CSMD1: variants seen among roughly 807,000 people sequenced by gnomAD.
The protein encoded by CSMD1 is CUB and Sushi multiple domains 1, also known as CUB and sushi domain-containing protein 1.
A neutral mutation model predicts 417.5 loss-of-function variants in CSMD1; 213 were observed. That is an observed-to-expected ratio of 0.51 (90% CI 0.46 to 0.57). CSMD1 has a LOEUF of 0.57. Among genes scored for constraint, CSMD1 ranks in the 20% least tolerant of loss-of-function variants. The pLI, the probability that CSMD1 is intolerant of heterozygous loss-of-function variation, is 0.00. For synonymous variants in CSMD1, 2,862 were observed against 1,736.8 expected (o/e 1.65, Z -16.11); for missense variants, 6,923 against 4,529.7 (o/e 1.53, Z -15.17).
At chr8:4,785,328 G>T (rs78894479) in intron 1 of CSMD1, among the ~76,000 whole-genome samples, 1 of 152,170 alleles carries the variant, frequency 6.6e-6, no homozygotes. Context: ...ATTGGTGGAA[G>T]ACTTTGCTCT....
intron 46 of CSMD1, among the ~76,000 whole-genome samples, chr8:3,102,001 C>G (rs182080687): frequency 9.9e-5 from 15 of 152,050 alleles, no homozygotes; most frequent in Admixed American, 5.2e-4. Context: ...AGCGTTTCAC[C>G]ATGTTGGCCA....
At chr8:3,315,259 G>C (rs571738701) in intron 23 of CSMD1, among the ~76,000 whole-genome samples, 2 of 152,266 alleles carry the variant, frequency 1.3e-5, no homozygotes, top group African/African-American at 4.8e-5. Context: ...GGATTCATCT[G>C]AATAGGAAGG....
intron 3 of CSMD1, among the ~76,000 whole-genome samples, chr8:4,208,816 AGTT>A (rs1800131357): frequency 6.6e-6 from 1 of 152,228 alleles, no homozygotes; most frequent in Non-Finnish European, 1.5e-5. Context: ...CCGGTTTTAC[AGTT>A]GTTTAATATC....
At chr8:3,360,827 C>T (rs1030160822) in intron 20 of CSMD1, among the ~76,000 whole-genome samples, 1 of 151,850 alleles carries the variant, frequency 6.6e-6, no homozygotes, top group Non-Finnish European at 1.5e-5. Flanking sequence ...ATCCTTTTCC[C>T]CTTAGTATTC....
chr8:4,462,809 A>C (rs1042424347), intron 2 of CSMD1, among the ~76,000 whole-genome samples: 33 of 151,626 alleles, frequency 2.2e-4, no homozygotes, highest in Admixed American at 3.3e-4. Context: ...TACACTATCC[A>C]CAAAAAAATT....
At chr8:3,775,482 C>T (rs1483119139) in intron 5 of CSMD1, among the ~76,000 whole-genome samples, 1 of 152,140 alleles carries the variant, frequency 6.6e-6, no homozygotes, top group East Asian at 1.9e-4. Context: ...ATGAAAAGGA[C>T]ACGGGGTGAA....
chr8:3,719,771 G>A (rs913986325), intron 6 of CSMD1, among the ~76,000 whole-genome samples: 1 of 152,060 alleles, frequency 6.6e-6, no homozygotes, highest in Non-Finnish European at 1.5e-5. Flanking sequence ...CTGTGTGGAA[G>A]GCATTTCCAG....
chr8:3,984,660 A>T (rs1302146508), intron 5 of CSMD1, among the ~76,000 whole-genome samples: 2 of 143,648 alleles, frequency 1.4e-5, no homozygotes, highest in East Asian at 4.1e-4. Flanking sequence ...CTTGTGTTTT[A>T]TGAAAACAGA....
chr8:3,405,982 T>C, intron 15 of CSMD1, 45 bp downstream of exon 15: 6 of 1,571,880 alleles, frequency 3.8e-6, no homozygotes, highest in South Asian at 2.3e-5. Context: ...TGAAGATAGA[T>C]GTGTGATTTC....
chr8:4,631,835 C>T (rs1244710536), intron 2 of CSMD1, among the ~76,000 whole-genome samples: 2 of 152,082 alleles, frequency 1.3e-5, no homozygotes, highest in African/African-American at 2.4e-5. Context: ...CCGACGAACT[C>T]GAGATAAATG....
At chr8:4,163,700 T>A (rs538289932) in intron 3 of CSMD1, among the ~76,000 whole-genome samples, 286 of 152,260 alleles carry the variant, frequency 1.9e-3, no homozygotes, top group African/African-American at 6.6e-3. Flanking sequence ...AATAATAAAA[T>A]TTTTTTATGG....
intron 5 of CSMD1, among the ~76,000 whole-genome samples, chr8:3,762,828 G>C (rs568511780): frequency 2.6e-5 from 4 of 152,326 alleles, no homozygotes; most frequent in South Asian, 4.1e-4. Flanking sequence ...CCGTGTGTAA[G>C]GCAGCTGCCA....
At chr8:4,360,490 G>C (rs996834184) in intron 3 of CSMD1, among the ~76,000 whole-genome samples, 1 of 152,090 alleles carries the variant, frequency 6.6e-6, no homozygotes, top group Non-Finnish European at 1.5e-5. Context: ...CATACTTCCT[G>C]TTCCTCCCAG....
At chr8:4,618,425 G>A (rs760074900) in intron 2 of CSMD1, among the ~76,000 whole-genome samples, 5 of 151,994 alleles carry the variant, frequency 3.3e-5, no homozygotes, top group South Asian at 4.2e-4. Flanking sequence ...AGCAAAGGTG[G>A]GCAGGACTCA....
intron 5 of CSMD1, among the ~76,000 whole-genome samples, chr8:3,878,051 T>C (rs1329469753): frequency 6.6e-6 from 1 of 152,122 alleles, no homozygotes; most frequent in East Asian, 1.9e-4. Context: ...TCTAATTACA[T>C]ATTCATGCTG....
chr8:3,679,816 C>G (rs1000945224), intron 7 of CSMD1, among the ~76,000 whole-genome samples: 3 of 151,818 alleles, frequency 2.0e-5, no homozygotes, highest in African/African-American at 4.8e-5. Flanking sequence ...GTAAAAGAAG[C>G]GAAATTATAA....
At chr8:4,383,448 A>G (rs1803237712) in intron 3 of CSMD1, among the ~76,000 whole-genome samples, 1 of 152,166 alleles carries the variant, frequency 6.6e-6, no homozygotes, top group Non-Finnish European at 1.5e-5. Context: ...CATGAATTTC[A>G]CAGTAGTTCC....
intron 3 of CSMD1, among the ~76,000 whole-genome samples, chr8:4,174,423 G>A (rs1304116837): frequency 1.3e-5 from 2 of 151,924 alleles, no homozygotes; most frequent in Non-Finnish European, 1.5e-5. Context: ...ACTTCACCGT[G>A]TATGTAATCT....
rs141587794 is a variant in CSMD1 at position 3,527,247 on chromosome 8, G to C, written c.1345-33521C>G. ...CCAAATGTTAATTGGCTCCTAATTGGTACAGGGCGCTGATAGGGAATTATA... is the reference window on the plus strand; with the variant it reads ...CCAAATGTTAATTGGCTCCTAATTGCTACAGGGCGCTGATAGGGAATTATA... On this transcript the variant is annotated intron_variant, in intron 10 of 69. Transcript: ENST00000635120. 1.0e-2 allele frequency among the ~76,000 whole-genome samples: 1,519 copies of C among 152,150 alleles called. 27 individuals are homozygous for C. The highest frequency in any genetic ancestry group is 0.072 in the South Asian group (349 of 4,822).
Sources: allele counts gnomAD v4.1 joint callset (sites outside exome capture counted in the v4.1 genomes callset), GRCh38; gene constraint gnomAD v4.1.1; transcripts MANE v1.5; gene names NCBI Gene and HGNC (gene_info 2026-07-23, HGNC 2026-07-21).